TUT4: variants seen among roughly 807,000 people sequenced by gnomAD.
TUT4 encodes the protein terminal uridylyl transferase 4.
In TUT4, 36 loss-of-function variants were observed where a neutral mutation model predicts 192.2. The observed-to-expected ratio is 0.19, with a 90% CI of 0.14 to 0.25. The LOEUF is 0.25. Ranked by LOEUF, TUT4 falls within the 10% of genes least tolerant of loss-of-function variation. The probability of loss-of-function intolerance (pLI) is 1.00; values close to 1 mark genes in which losing one functional copy is unlikely to be tolerated. For synonymous variants in TUT4, 618 were observed against 666.0 expected (o/e 0.93, Z 1.11); for missense variants, 1,493 against 1,957.2 (o/e 0.76, Z 4.47).
chr1:52,453,649 C>A (rs1660076074), intron 20 of TUT4, among the ~76,000 whole-genome samples: 1 of 152,124 alleles, frequency 6.6e-6, no homozygotes, highest in Non-Finnish European at 1.5e-5. Flanking sequence ...CAATGCTTTC[C>A]CTTGTAAAAT....
At chr1:52,523,586 C>A (rs1680880337) in intron 2 of TUT4, among the ~76,000 whole-genome samples, 1 of 151,806 alleles carries the variant, frequency 6.6e-6, no homozygotes, top group South Asian at 2.1e-4. Context: ...AGAGCAAAAC[C>A]CTGTCTCAAA....
chr1:52,428,066 A>G (rs1473467580), intron 28 of TUT4, among the ~76,000 whole-genome samples: 1 of 152,236 alleles, frequency 6.6e-6, no homozygotes, highest in Non-Finnish European at 1.5e-5. Flanking sequence ...ACAGTGCCTT[A>G]TAGTTAATAT....
At chr1:52,430,438 A>AT (rs1253659779) in intron 28 of TUT4, among the ~76,000 whole-genome samples, 1 of 152,066 alleles carries the variant, frequency 6.6e-6, no homozygotes, top group Non-Finnish European at 1.5e-5. Context: ...GTGCACCACC[A>AT]CACCCAGCTA....
At chr1:52,541,225 AAAG>A (rs1217005971) in intron 1 of TUT4, among the ~76,000 whole-genome samples, 9 of 149,860 alleles carry the variant, frequency 6.0e-5, no homozygotes, top group Non-Finnish European at 1.2e-4. Context: ...AAAAAAAAAA[AAAG>A]AAGAAGTAAA....
chr1:52,450,463 T>C (rs1192162834), intron 20 of TUT4, among the ~76,000 whole-genome samples: 2 of 152,296 alleles, frequency 1.3e-5, no homozygotes, highest in Non-Finnish European at 2.9e-5. Flanking sequence ...GTTAAACAGA[T>C]AATGAAAGAG....
intron 16 of TUT4, 126 bp downstream of exon 16, chr1:52,464,944 C>G: frequency 1.6e-6 from 1 of 639,316 alleles, no homozygotes; most frequent in Non-Finnish European, 2.5e-6. Flanking sequence ...ATTTCAAACA[C>G]TTATTTTGCT....
intron 4 of TUT4, among the ~76,000 whole-genome samples, chr1:52,500,027 C>A (rs1238170220): frequency 6.6e-6 from 1 of 151,078 alleles, no homozygotes; most frequent in South Asian, 2.1e-4. Context: ...GAGGCTGAGG[C>A]AGGAGAATTG....
intron 18 of TUT4, 116 bp downstream of exon 18, chr1:52,461,397 C>G (rs1027279435): frequency 2.0e-5 from 23 of 1,156,178 alleles, no homozygotes; most frequent in Non-Finnish European, 2.7e-5. Context: ...ATCAAGATAA[C>G]TAGTAAAATA....
intron 20 of TUT4, among the ~76,000 whole-genome samples, chr1:52,451,158 C>T (rs756078201): frequency 7.9e-5 from 12 of 151,652 alleles, no homozygotes; most frequent in Non-Finnish European, 1.3e-4. Context: ...CCCAGCTACT[C>T]GGGAGGCTGA....
intron 9 of TUT4, among the ~76,000 whole-genome samples, chr1:52,484,164 T>C (rs1480122079): frequency 6.6e-6 from 1 of 151,904 alleles, no homozygotes; most frequent in Non-Finnish European, 1.5e-5. Flanking sequence ...CAGTGAGCTA[T>C]GATGGCACCA....
At chr1:52,521,755 G>A (rs1425362919) in intron 2 of TUT4, among the ~76,000 whole-genome samples, 1 of 151,964 alleles carries the variant, frequency 6.6e-6, no homozygotes, top group Non-Finnish European at 1.5e-5. Context: ...CACAAGGTCA[G>A]GAGTTCAAGA....
rs12123698 is a variant in TUT4, at chr1:52,525,966, C to T, written c.315G>A (p.Pro105=). ...HCKAKKFPNS[P]VKAEKATISQ... ...AAATGGTTGCCTTTTCGGCTTTCACCGGTGAATTAGGAAATTTTTTTGCTT... is the reference window on the plus strand; with the variant it reads ...AAATGGTTGCCTTTTCGGCTTTCACTGGTGAATTAGGAAATTTTTTTGCTT... Residue 105 remains proline, a synonymous_variant, in exon 2 of 30, where the codon CCG becomes CCA. Coordinates refer to ENST00000257177, the MANE Select transcript of TUT4 (RefSeq NM_001009881.3). 527,880 of 1,613,794 alleles carry T rather than the reference C, an allele frequency of 0.33. 91,583 individuals carry two copies. The highest frequency in any genetic ancestry group is 0.5 in the Admixed American group (30,022 of 59,964).
In TUT4 at chr1:52,526,009, C is replaced by T. The variant is rs368500390; in HGVS notation, c.272G>A (p.Arg91Gln). 19 of 1,614,086 alleles carry T rather than the reference C, an allele frequency of 1.2e-5. No individual in the cohort carries two copies. The highest frequency in any genetic ancestry group is 1.7e-5 in the Admixed American group (1 of 59,998). The change falls in exon 2 of 30, where the codon CGA (arginine) becomes CAA (glutamine). Residue 91 changes from arginine to glutamine, a missense_variant. Transcript: ENST00000257177. ...TTTTGCTTTGCAATGACTTTGATCT[C>T]GAAGGACTAACCCCAAATCTTTAGG... ...PGPKDLGLVL[R>Q]DQSHCKAKKF...
intron 2 of TUT4, among the ~76,000 whole-genome samples, chr1:52,519,187 G>T (rs543218758): frequency 2.0e-5 from 3 of 151,806 alleles, no homozygotes; most frequent in Non-Finnish European, 4.4e-5. Context: ...AATACTATTC[G>T]GCAATAAAAG....
intron 28 of TUT4, among the ~76,000 whole-genome samples, chr1:52,426,224 T>A (rs182685107): frequency 2.0e-5 from 3 of 151,630 alleles, no homozygotes; most frequent in Non-Finnish European, 4.4e-5. Flanking sequence ...TTCCTAAAAC[T>A]ACTAAGGTTC....
chr1:52,470,489 G>C (rs1665443316), intron 14 of TUT4, among the ~76,000 whole-genome samples: 1 of 151,896 alleles, frequency 6.6e-6, no homozygotes, highest in Non-Finnish European at 1.5e-5. Flanking sequence ...CCAAAATTTT[G>C]AAATGAGACA....
chr1:52,507,680 A>G (rs185857177), intron 4 of TUT4, among the ~76,000 whole-genome samples: 2 of 152,338 alleles, frequency 1.3e-5, no homozygotes, highest in East Asian at 3.9e-4. Context: ...TAGAACACCA[A>G]CATGATGCTC....
intron 11 of TUT4, among the ~76,000 whole-genome samples, chr1:52,480,229 A>T (rs1321163162): frequency 6.6e-6 from 1 of 152,122 alleles, no homozygotes; most frequent in Non-Finnish European, 1.5e-5. Flanking sequence ...ACTTTAAGAG[A>T]TTACAGAGGA....
chr1:52,495,352 T>C (rs1223606525), intron 6 of TUT4, 75 bp downstream of exon 6: 1 of 914,782 alleles, frequency 1.1e-6, no homozygotes, highest in African/African-American at 1.7e-5. Context: ...TCCCTATCCT[T>C]TCTCTACAAA....
Sources: gnomAD v4.1 joint callset for allele counts (sites outside exome capture counted in the v4.1 genomes callset) on GRCh38, gnomAD v4.1.1 for gene constraint, MANE v1.5 for transcripts, NCBI Gene and HGNC (gene_info 2026-07-23, HGNC 2026-07-21) for gene names.